The following CLOCK variants were observed in gnomAD, a reference collection of about 807,000 sequenced individuals.
The protein encoded by CLOCK is clock circadian regulator.
In CLOCK, 43 loss-of-function variants were observed where a neutral mutation model predicts 118.4. That is an observed-to-expected ratio of 0.36 (90% confidence interval 0.28 to 0.47). The LOEUF (loss-of-function observed/expected upper bound fraction) is 0.47. Among genes scored for constraint, CLOCK ranks in the 20% least tolerant of loss-of-function variants. CLOCK has a pLI of 1.00. For missense variants in CLOCK, 846 were observed against 999.9 expected (o/e 0.85, Z 2.08); for synonymous variants, 326 against 339.2 (o/e 0.96, Z 0.43).
chr4:55,534,996 A>G (rs1301301913), intron 1 of CLOCK, among the ~76,000 whole-genome samples: 1 of 150,376 alleles, frequency 6.6e-6, no homozygotes, highest in East Asian at 2.0e-4. Context: ...AGCACAGTCA[A>G]TGGCTCACTG....
At chr4:55,495,522 T>C (rs561472639) in intron 2 of CLOCK, among the ~76,000 whole-genome samples, 3 of 151,902 alleles carry the variant, frequency 2.0e-5, no homozygotes, top group African/African-American at 7.3e-5. Context: ...CCTAAAACCT[T>C]AGCTTTGACT....
chr4:55,445,569 C>A (rs1221724483), intron 18 of CLOCK, among the ~76,000 whole-genome samples: 2 of 112,286 alleles, frequency 1.8e-5, no homozygotes, highest in East Asian at 7.0e-4. Flanking sequence ...TCTGCATCTG[C>A]TATTTCTATA....
chr4:55,500,289 A>T (rs189216386), intron 2 of CLOCK, among the ~76,000 whole-genome samples: 1 of 151,924 alleles, frequency 6.6e-6, no homozygotes, highest in East Asian at 1.9e-4. Context: ...AAGTCTTCAG[A>T]TAATTGTTTT....
rs143191527 is a variant in CLOCK, at chr4:55,437,414, T to C, written c.2361+868A>G. On this transcript the variant is annotated intron_variant, in intron 22 of 22. Coordinates refer to ENST00000513440, the MANE Select transcript of CLOCK (RefSeq NM_004898.4). ...AAAGGTAGATTTCTAGTGAGGATCCTGAGGTCCAGATAAGGGTTTTGTACA... is the reference window on the plus strand; with the variant it reads ...AAAGGTAGATTTCTAGTGAGGATCCCGAGGTCCAGATAAGGGTTTTGTACA... 6.5e-3 allele frequency among the ~76,000 whole-genome samples: 996 copies of C among 152,330 alleles called. 16 individuals are homozygous for C. Among genetic ancestry groups the C allele is most frequent in the African/African-American group, 0.022 (926 of 41,576 alleles).
At chr4:55,443,927 CT>C in intron 19 of CLOCK, 31 bp from the exon 20 acceptor site, 1 of 1,586,330 alleles carries the variant, frequency 6.3e-7, no homozygotes, top group Non-Finnish European at 8.6e-7. Flanking sequence ...TTAAAATGAG[CT>C]TTGTAGATTG....
chr4:55,523,559 G>C (rs1251200857), intron 1 of CLOCK, among the ~76,000 whole-genome samples: 1 of 152,120 alleles, frequency 6.6e-6, no homozygotes, highest in East Asian at 1.9e-4. Flanking sequence ...TTGAGGCTTT[G>C]AAAGTGTATC....
Position 55,450,092 on chromosome 4 carries a change from G to A in CLOCK, c.1347C>T (p.Ser449=), listed in dbSNP as rs1021759630. The A allele has an allele frequency of 6.2e-7, 1 of 1,614,008 alleles. No homozygotes were observed. The change falls in exon 16 of 23, where the codon TCC becomes TCT. Residue 449 remains serine (S), a splice_region_variant and synonymous_variant. Transcript: ENST00000513440. ...CTGCTTTGAAGCAAGGGTACTCACA[G>A]GAAGGGTCTGAGACGGCCGTGTGAG... The part of the protein sequence containing the change: ...KSSHTAVSDP[S]STPTKIPTDT...
chr4:55,538,928 T>C (rs567951609), intron 1 of CLOCK, among the ~76,000 whole-genome samples: 1 of 152,190 alleles, frequency 6.6e-6, no homozygotes, highest in Admixed American at 6.5e-5. Flanking sequence ...TAGAACTTAA[T>C]AGCCAGTGAA....
At chr4:55,457,366 T>C (rs1045868644) in intron 11 of CLOCK, among the ~76,000 whole-genome samples, 2 of 152,196 alleles carry the variant, frequency 1.3e-5, no homozygotes, top group Non-Finnish European at 2.9e-5. Flanking sequence ...TTCCATTTCA[T>C]CTAAGTATTT....
intron 21 of CLOCK, among the ~76,000 whole-genome samples, chr4:55,439,127 A>T (rs937751756): frequency 1.3e-5 from 2 of 152,192 alleles, no homozygotes; most frequent in African/African-American, 4.8e-5. Context: ...CTGATAAGGG[A>T]TTAGTAACCA....
In CLOCK at chr4:55,443,811, G is replaced by T; in HGVS notation, c.1778C>A (p.Ala593Glu). 1.2e-6 allele frequency: 2 copies of T among 1,613,966 alleles called. No homozygotes were observed. Among genetic ancestry groups the T allele is most frequent in the Non-Finnish European group, 1.7e-6 (2 of 1,179,890 alleles). ...SGNSSNIQQLAPINMQGQVVP... is the reference protein window; with the variant it reads ...SGNSSNIQQLEPINMQGQVVP... ...AACTTGGCCTTGCATATTTATAGGT[G>T]CAAGTTGCTGGATATTAGATGAATT... is the stretch of plus-strand genomic sequence containing the variant. The change falls in exon 20 of 23, where the codon GCA becomes GAA. Residue 593 changes from alanine (A) to glutamate (E), a missense_variant. Coordinates refer to ENST00000513440, the MANE Select transcript of CLOCK (RefSeq NM_004898.4).
At chr4:55,452,991 TTGAG>T in intron 15 of CLOCK, 59 bp downstream of exon 15, 1 of 1,142,858 alleles carries the variant, frequency 8.7e-7, no homozygotes, top group East Asian at 2.6e-5. Flanking sequence ...CTATTAATTA[TTGAG>T]TTTCATCTTT....
intron 18 of CLOCK, 40 bp downstream of exon 18, chr4:55,448,736 TATC>T: frequency 6.7e-7 from 1 of 1,502,828 alleles, no homozygotes; most frequent in Non-Finnish European, 9.2e-7. Context: ...AAAAGCAATT[TATC>T]ATATTCAAAT....
At chr4:55,535,133 A>G (rs980006981) in intron 1 of CLOCK, among the ~76,000 whole-genome samples, 1 of 151,302 alleles carries the variant, frequency 6.6e-6, no homozygotes, top group African/African-American at 2.4e-5. Context: ...AGGCCTCGCT[A>G]TATTGCCACT....
Position 55,458,986 on chromosome 4 carries a change from A to C in CLOCK, c.698T>G (p.Phe233Cys), listed in dbSNP as rs758981500. The change falls in exon 11 of 23, where the codon TTT becomes TGT. Residue 233 changes from phenylalanine (F) to cysteine (C), a missense_variant. Coordinates refer to ENST00000513440, the MANE Select transcript of CLOCK (RefSeq NM_004898.4). The part of the protein sequence containing the change: ...NSVSSSAHNG[F>C]EGTIQRTHRP... ...ATGTGTGCGTTGTATAGTTCCTTCA[A>C]AACCATTGTGTGCTGAAGAGGATAC... is the stretch of plus-strand genomic sequence containing the variant. 1 of 1,613,724 alleles carries C rather than the reference A, an allele frequency of 6.2e-7. No homozygotes were observed. Among genetic ancestry groups the C allele is most frequent in the Non-Finnish European group, 8.5e-7 (1 of 1,179,694 alleles).
At chr4:55,450,062 G>A (rs1204071225) in intron 16 of CLOCK, 29 bp downstream of exon 16, 1 of 1,613,622 alleles carries the variant, frequency 6.2e-7, no homozygotes, top group Non-Finnish European at 8.5e-7. Flanking sequence ...TACTTTAAAG[G>A]AAGTCTGCTT....
At chr4:55,469,528 A>G (rs1399238147) in intron 8 of CLOCK, among the ~76,000 whole-genome samples, 3 of 152,210 alleles carry the variant, frequency 2.0e-5, no homozygotes, top group Non-Finnish European at 4.4e-5. Flanking sequence ...CCAATGGGAC[A>G]AGATGTGGAG....
In CLOCK at chr4:55,430,011, T is replaced by C. The variant is rs573361391; in HGVS notation, c.*5404A>G. ...GGTGCAAAACAAAACAAACCACACA[T>C]TAAATACATGACACCGAAATCACTT... On this transcript the variant is annotated 3_prime_UTR_variant, in exon 23 of 23. Coordinates refer to ENST00000513440, the MANE Select transcript of CLOCK (RefSeq NM_004898.4). 4.6e-5 allele frequency: 7 copies of C among 152,260 alleles called. No individual in the cohort carries two copies. Among genetic ancestry groups the C allele is most frequent in the Non-Finnish European group, 1.0e-4 (7 of 68,008 alleles). The allele number at this position is 152,260 out of a possible 1,614,324, so 9.4% of individuals were successfully genotyped here. A position where few individuals can be genotyped will look rare whatever the true frequency, so the allele number is the denominator to read the frequency against.
intron 1 of CLOCK, among the ~76,000 whole-genome samples, chr4:55,527,894 A>C (rs959034420): frequency 4.6e-5 from 7 of 151,986 alleles, no homozygotes; most frequent in African/African-American, 1.7e-4. Context: ...AAATTTAAAA[A>C]ATTAGCTGGG....
Sources: gnomAD v4.1 joint callset for allele counts (sites outside exome capture counted in the v4.1 genomes callset) on GRCh38, gnomAD v4.1.1 for gene constraint, MANE v1.5 for transcripts, NCBI Gene and HGNC (gene_info 2026-07-23, HGNC 2026-07-21) for gene names.